Variants in TTYH1 observed in about 807,000 individuals in gnomAD.
TTYH1 encodes the protein tweety family member 1, also known as protein tweety homolog 1.
TTYH1 carries 33 observed loss-of-function variants against 61.2 expected under a neutral mutation model. That is an observed-to-expected ratio of 0.54 (90% CI 0.41 to 0.72). TTYH1 has a LOEUF of 0.72. Among genes scored for constraint, TTYH1 ranks in the 30% least tolerant of loss-of-function variants. TTYH1 has a pLI of 0.00. For synonymous variants in TTYH1, 308 were observed against 266.4 expected (o/e 1.16, Z -1.52); for missense variants, 538 against 575.8 (o/e 0.93, Z 0.67).
Position 54,416,646 on chromosome 19 carries a change from G to A in TTYH1, c.126+968G>A, listed in dbSNP as rs567796454. On this transcript the variant is annotated intron_variant, in intron 1 of 13. Coordinates refer to ENST00000376530, the MANE Select transcript of TTYH1 (RefSeq NM_020659.4). This position sits in a 1 kb window ranked among gnomAD's most constrained non-coding sequence, Gnocchi z 7.0. ...GGAGAGCTCAGGGGGCGTGGAGGGG[G>A]TCCCAGAAAAGCGCGGAGGGGATGA... 50 of 856,056 alleles carry A rather than the reference G, an allele frequency of 5.8e-5. No homozygotes were observed. The African/African-American group carries it at 7.2e-4, about 12-fold the overall frequency. The allele number at this position is 856,056 out of a possible 1,614,324, so 53.0% of individuals were successfully genotyped here.
In TTYH1 at chr19:54,416,280, G is replaced by A; in HGVS notation, c.126+602G>A. 3.2e-6 allele frequency: 1 copy of A among 315,098 alleles called. No individual in the cohort carries two copies. The highest frequency in any genetic ancestry group is 2.8e-5 in the South Asian group (1 of 36,080). 19.5% of individuals were successfully genotyped at this position (315,098 alleles called of 1,614,324 possible). ...AGAAAGAAGGGGTGGTCAGGGCGCT[G>A]CAGGGGTGAGGGCCGAGATGAGGCT... is the stretch of plus-strand genomic sequence containing the variant. On this transcript the variant is annotated intron_variant, in intron 1 of 13. Coordinates refer to ENST00000376530, the MANE Select transcript of TTYH1 (RefSeq NM_020659.4). The surrounding 1 kb of genome is among the most constrained non-coding windows in gnomAD (Gnocchi z 7.0).
In TTYH1 at chr19:54,434,279, AAT is replaced by A; in HGVS notation, c.1126-1262_1126-1261del. The A allele has an allele frequency of 6.6e-6, 1 of 152,322 alleles. No individual in the cohort carries two copies. Among genetic ancestry groups the A allele is most frequent in the Non-Finnish European group, 1.5e-5 (1 of 68,240 alleles). 9.4% of individuals were successfully genotyped at this position (152,322 alleles called of 1,614,324 possible). Reference sequence around the variant, plus strand: ...CAGCCAGGTGATCCTTTTAAAACACAATCCGATCAAGTTCTTCCTCTGCTTAA... The same window carrying A: ...CAGCCAGGTGATCCTTTTAAAACACACCGATCAAGTTCTTCCTCTGCTTAA... On this transcript the variant is annotated intron_variant, in intron 10 of 13. Coordinates refer to ENST00000376530, the MANE Select transcript of TTYH1 (RefSeq NM_020659.4). This position sits in a 1 kb window ranked among gnomAD's most constrained non-coding sequence, Gnocchi z 4.3.
intron 4 of TTYH1, among the ~76,000 whole-genome samples, chr19:54,423,998 T>C (rs1388858558): frequency 6.6e-6 from 1 of 151,880 alleles, no homozygotes; most frequent in Non-Finnish European, 1.5e-5. Flanking sequence ...CCGTCGCTAC[T>C]AAAAATACAA....
chr19:54,419,233 C>A lies in TTYH1; in HGVS notation c.232C>A (p.Pro78Thr). The change falls in exon 2 of 14, where the codon CCC becomes ACC. Residue 78 changes from proline to threonine, a missense_variant. Pro to Thr is a conservative substitution (Grantham distance 38, BLOSUM62 -1). Around this residue, in one of 3 missense-constraint regions of TTYH1, gnomAD observed 157 missense variants for 157.0 expected, o/e 1.00. Transcript: ENST00000376530. The surrounding 1 kb of genome is among the most constrained non-coding windows in gnomAD (Gnocchi z 6.1). ...CTGCTGCTGCCGGCCCCCCGAGCCC[C>A]CCGGGTCCAAGATCCCCTCGCCCGG... ...RFCCCRPPEP[P>T]GSKIPSPGGG... 1 of 1,609,762 alleles carries A rather than the reference C, an allele frequency of 6.2e-7. No individual in the cohort carries two copies. The highest frequency in any genetic ancestry group is 8.5e-7 in the Non-Finnish European group (1 of 1,179,946).
At position 54,436,281 on chromosome 19, in the gene TTYH1, CG is replaced by C. The variant is rs2083550902; in HGVS notation, c.*43-49del. The C allele has an allele frequency of 1.2e-6, 2 of 1,612,382 alleles. No individual in the cohort carries two copies. The highest frequency in any genetic ancestry group is 2.7e-5 in the African/African-American group (2 of 75,042). On this transcript the variant is annotated intron_variant, in intron 13 of 13. Coordinates refer to ENST00000376530, the MANE Select transcript of TTYH1 (RefSeq NM_020659.4). The surrounding 1 kb of genome is among the most constrained non-coding windows in gnomAD (Gnocchi z 4.3). Reference sequence around the variant, plus strand: ...GTGCCTCCTGCTGGGTGGATCGCACCGGGCAGGCCCTCCAGCCTGCATCACT... The same window carrying C: ...GTGCCTCCTGCTGGGTGGATCGCACCGGCAGGCCCTCCAGCCTGCATCACT...
chr19:54,430,985 C>G, intron 9 of TTYH1, 80 bp downstream of exon 9: 2 of 1,187,120 alleles, frequency 1.7e-6, no homozygotes, highest in Non-Finnish European at 2.3e-6. Flanking sequence ...GGGGCGTAGG[C>G]GGGGCTGCAG....
chr19:54,435,658 C>T lies in TTYH1; in HGVS notation c.1242C>T (p.Pro414=), dbSNP rs1348118426. ...TGGCCACTGCCCTCTGCAGCCTGCC[C>T]CGAGCCTGGGCCCTCTTCCCACCCA... is the stretch of plus-strand genomic sequence containing the variant. The part of the protein sequence containing the change: ...GALATALCSL[P]RAWALFPPSD... The change falls in exon 11 of 14, where the codon CCC becomes CCT. Residue 414 remains proline (P), a synonymous_variant. Transcript: ENST00000376530. The T allele has an allele frequency of 1.2e-6, 2 of 1,610,940 alleles. No homozygotes were observed. Among genetic ancestry groups the T allele is most frequent in the African/African-American group, 1.3e-5 (1 of 74,986 alleles).
chr19:54,435,796 G>A (rs753757397), intron 11 of TTYH1, 32 bp from the exon 12 acceptor site: 146 of 1,613,804 alleles, frequency 9.0e-5, no homozygotes, highest in South Asian at 2.6e-4. Flanking sequence ...TCCCCATCCC[G>A]CCTCTCTGCC....
rs775216325 is a variant in TTYH1, at chr19:54,435,560, C to T, written c.1144C>T (p.Arg382Trp). The T allele has an allele frequency of 5.7e-5, 91 of 1,605,356 alleles. No individual in the cohort carries two copies. Among genetic ancestry groups the T allele is most frequent in the Non-Finnish European group, 7.0e-5 (83 of 1,177,760 alleles). The change falls in exon 11 of 14, where the codon CGG (arginine) becomes TGG (tryptophan). Residue 382 changes from arginine (R) to tryptophan (W), a missense_variant. Physicochemically the swap from Arg to Trp is moderately radical, Grantham distance 101. Coordinates refer to ENST00000376530, the MANE Select transcript of TTYH1 (RefSeq NM_020659.4). ...CCCTCAGGACTATGGTGCAGCCCTG[C>T]GGGGCCTGTGCGAAGACGCCCTGGA... ...SLHKDYGAAL[R>W]GLCEDALEGL...
In TTYH1 at chr19:54,422,210, G is replaced by A. The variant is rs1031543408; in HGVS notation, c.438G>A (p.Arg146=). Residue 146 remains arginine, a synonymous_variant, in exon 4 of 14, where the codon AGG becomes AGA. Coordinates refer to ENST00000376530, the MANE Select transcript of TTYH1 (RefSeq NM_020659.4). ...CCCAGGTGTTGGAGACGGTGGAGAG[G>A]CTGGGCGAGGCGGTGAGGACAGAGC... The part of the protein sequence containing the change: ...IDHLVLETVE[R]LGEAVRTELT... 3 of 1,563,788 alleles carry A rather than the reference G, an allele frequency of 1.9e-6. No individual in the cohort carries two copies. Among genetic ancestry groups the A allele is most frequent in the Non-Finnish European group, 2.6e-6 (3 of 1,154,814 alleles).
chr19:54,425,535 G>C (rs149323113), intron 4 of TTYH1, among the ~76,000 whole-genome samples: 1 of 152,094 alleles, frequency 6.6e-6, no homozygotes, highest in Non-Finnish European at 1.5e-5. Flanking sequence ...TGATTGGTTG[G>C]GTGTGAGCTA....
chr19:54,422,087 A>G, intron 3 of TTYH1, 103 bp from the exon 4 acceptor site: 3 of 898,104 alleles, frequency 3.3e-6, no homozygotes, highest in Non-Finnish European at 5.1e-6. Context: ...GATCTCAGAC[A>G]CCCGCTACTA....
intron 10 of TTYH1, among the ~76,000 whole-genome samples, chr19:54,433,925 G>A (rs2083489399): frequency 6.6e-6 from 1 of 152,034 alleles, no homozygotes; most frequent in Admixed American, 6.6e-5. Context: ...CAGGGCTGTT[G>A]TGAGGATGAA....
At position 54,434,245 on chromosome 19, in the gene TTYH1, GCAGC is replaced by G; in HGVS notation, c.1126-1285_1126-1282del. 1 of 152,588 alleles carries G rather than the reference GCAGC, an allele frequency of 6.6e-6. No individual in the cohort carries two copies. Among genetic ancestry groups the G allele is most frequent in the Non-Finnish European group, 1.5e-5 (1 of 68,390 alleles). The allele number at this position is 152,588 out of a possible 1,614,324, so 9.5% of individuals were successfully genotyped here. A position where few individuals can be genotyped will look rare whatever the true frequency, so the allele number is the denominator to read the frequency against. Reference sequence around the variant, plus strand: ...CCTACCCCCGTCTGTCCTCCATGCAGCAGCCAGCCAGCCAGGTGATCCTTTTAAA... The same window carrying G: ...CCTACCCCCGTCTGTCCTCCATGCAGCAGCCAGCCAGGTGATCCTTTTAAA... On this transcript the variant is annotated intron_variant, in intron 10 of 13. Transcript: ENST00000376530. This position sits in a 1 kb window ranked among gnomAD's most constrained non-coding sequence, Gnocchi z 4.3.
chr19:54,415,914 C>A lies in TTYH1; in HGVS notation c.126+236C>A. Reference sequence around the variant, plus strand: ...TCTCTAAATAAGGGAAGGCTGGGGACCTGCACCCCTGAGTTCATGGAGAGG... The same window carrying A: ...TCTCTAAATAAGGGAAGGCTGGGGAACTGCACCCCTGAGTTCATGGAGAGG... On this transcript the variant is annotated intron_variant, in intron 1 of 13. Coordinates refer to ENST00000376530, the MANE Select transcript of TTYH1 (RefSeq NM_020659.4). This position sits in a 1 kb window ranked among gnomAD's most constrained non-coding sequence, Gnocchi z 5.2. The A allele has an allele frequency of 1.2e-6, 1 of 811,536 alleles. No homozygotes were observed. The highest frequency in any genetic ancestry group is 2.7e-5 in the Admixed American group (1 of 37,588). The allele number at this position is 811,536 out of a possible 1,614,324, so 50.3% of individuals were successfully genotyped here. A position where few individuals can be genotyped will look rare whatever the true frequency, so the allele number is the denominator to read the frequency against.
intron 10 of TTYH1, chr19:54,433,760 A>T (rs1009698076): frequency 2.6e-5 from 4 of 151,706 alleles, no homozygotes; most frequent in African/African-American, 9.7e-5. Context: ...AGGATGAAGG[A>T]GGGAGGGCAC....
At position 54,418,013 on chromosome 19, in the gene TTYH1, C is replaced by CACAG. The variant is rs1490267210; in HGVS notation, c.127-1112_127-1111insGACA. ...AAACACTGCACACACTTGGGACACA[C>CACAG]ACACACACACACACTGTGCCACTGT... On this transcript the variant is annotated intron_variant, in intron 1 of 13. Transcript: ENST00000376530. 2.7e-5 allele frequency among the ~76,000 whole-genome samples: 4 copies of CACAG among 149,582 alleles called. No homozygotes were observed. In the East Asian group the frequency reaches 7.8e-4, roughly 29 times the overall value.
In TTYH1 at chr19:54,429,878, G is replaced by A. The variant is rs201405750; in HGVS notation, c.808-4G>A. ...TTGAGCCCCTTTTCTGCTGCCTCAC[G>A]CAGGGCCTCAGTGACTTCTGCTCCA... On this transcript the variant is annotated splice_polypyrimidine_tract_variant and splice_region_variant and intron_variant, in intron 6 of 13. Coordinates refer to ENST00000376530, the MANE Select transcript of TTYH1 (RefSeq NM_020659.4). The surrounding 1 kb of genome is among the most constrained non-coding windows in gnomAD (Gnocchi z 5.1). The A allele has an allele frequency of 5.0e-6, 8 of 1,613,684 alleles. No homozygotes were observed. Among genetic ancestry groups the A allele is most frequent in the African/African-American group, 2.7e-5 (2 of 75,002 alleles).
chr19:54,436,207 G>A lies in TTYH1; in HGVS notation c.*42+36G>A, dbSNP rs778675580. The A allele has an allele frequency of 4.3e-6, 7 of 1,609,874 alleles. No homozygotes were observed. Among genetic ancestry groups the A allele is most frequent in the South Asian group, 2.2e-5 (2 of 90,904 alleles). On this transcript the variant is annotated intron_variant, in intron 13 of 13. Coordinates refer to ENST00000376530, the MANE Select transcript of TTYH1 (RefSeq NM_020659.4). This position sits in a 1 kb window ranked among gnomAD's most constrained non-coding sequence, Gnocchi z 4.3. ...AAGGGCCACCCCAGCTCCTGCAGCC[G>A]GGCCTCTGCCCCCCTCCCGCCCTCC...
Sources: gnomAD v4.1 joint callset for allele counts (sites outside exome capture counted in the v4.1 genomes callset) on GRCh38, gnomAD v4.1.1 for gene constraint, gnomAD v4.1.1 regional missense constraint, Gnocchi (gnomAD v3.1) non-coding constraint, MANE v1.5 for transcripts, NCBI Gene and HGNC (gene_info 2026-07-23, HGNC 2026-07-21) for gene names.